DIAPH2: variants seen among roughly 807,000 people sequenced by gnomAD.
The protein encoded by DIAPH2 is protein diaphanous homolog 2.
In DIAPH2, 35 loss-of-function variants were observed where a neutral mutation model predicts 92.7. The observed-to-expected ratio is 0.38, with a 90% CI of 0.29 to 0.50. DIAPH2 has a LOEUF of 0.50. Ranked by LOEUF, DIAPH2 falls within the 20% of genes least tolerant of loss-of-function variation. The pLI, the probability that DIAPH2 is intolerant of heterozygous loss-of-function variation, is 0.94. For synonymous variants in DIAPH2, 301 were observed against 280.4 expected, an observed-to-expected ratio of 1.07 and a Z score of -0.73; for missense variants, 701 against 819.5, an observed-to-expected ratio of 0.86 and a Z score of 1.77.
In DIAPH2 at chrX:97,603,186, T is replaced by C. The variant is rs2071604760; in HGVS notation, c.*3869T>C. ...AATCATTCAGATTGTGAATTCAGGC[T>C]CAGAATTTACCCAGTCATCAGATAC... On this transcript the variant is annotated 3_prime_UTR_variant, in exon 27 of 27. Coordinates refer to ENST00000324765, the MANE Select transcript of DIAPH2 (RefSeq NM_006729.5). The C allele has an allele frequency of 9.2e-6, 1 of 108,312 alleles. No homozygotes were observed. Among genetic ancestry groups the C allele is most frequent in the Non-Finnish European group, 1.9e-5 (1 of 52,375 alleles). The allele number at this position is 108,312 out of a possible 1,213,427, so 8.9% of individuals were successfully genotyped here. A position where few individuals can be genotyped will look rare whatever the true frequency, so the allele number is the denominator to read the frequency against.
intron 23 of DIAPH2, among the ~76,000 whole-genome samples, chrX:97,292,609 C>T (rs1195074064): frequency 3.9e-5 from 4 of 103,080 alleles, no homozygotes; most frequent in Admixed American, 1.1e-4. Flanking sequence ...TGCAGTGGGG[C>T]GATCTTGGCT....
intron 26 of DIAPH2, among the ~76,000 whole-genome samples, chrX:97,487,016 T>C (rs771478461): frequency 8.9e-6 from 1 of 112,415 alleles, no homozygotes; most frequent in Admixed American, 9.4e-5. Context: ...AATCCCGCAG[T>C]ATGAGTCTTT....
At chrX:97,325,431 A>G (rs913016079) in intron 23 of DIAPH2, among the ~76,000 whole-genome samples, 1 of 112,086 alleles carries the variant, frequency 8.9e-6, no homozygotes, top group Non-Finnish European at 1.9e-5. Context: ...GTTGATTGTT[A>G]ATACAGAGAG....
chrX:97,518,030 G>A (rs921852716), intron 26 of DIAPH2, among the ~76,000 whole-genome samples: 2 of 112,049 alleles, frequency 1.8e-5, no homozygotes, highest in Non-Finnish European at 3.8e-5. Context: ...GCACTGTAGC[G>A]TTGGGCCAAT....
At chrX:96,772,646 A>T (rs1569390350) in intron 4 of DIAPH2, among the ~76,000 whole-genome samples, 1 of 112,383 alleles carries the variant, frequency 8.9e-6, no homozygotes, top group Non-Finnish European at 1.9e-5. Flanking sequence ...TTCGGATACC[A>T]TGATTATTAC....
At chrX:96,742,336 A>G (rs1293502976) in intron 3 of DIAPH2, among the ~76,000 whole-genome samples, 1 of 111,720 alleles carries the variant, frequency 9.0e-6, no homozygotes, top group Non-Finnish European at 1.9e-5. Context: ...TAATAATGGT[A>G]GGATTATTAG....
At chrX:97,090,496 T>G (rs985589508) in intron 19 of DIAPH2, among the ~76,000 whole-genome samples, 6 of 109,216 alleles carry the variant, frequency 5.5e-5, no homozygotes, top group African/African-American at 2.0e-4. Context: ...ACTCAGTTGA[T>G]GATTCTCTTT....
chrX:97,398,305 T>C (rs1307105986), intron 25 of DIAPH2, among the ~76,000 whole-genome samples: 1 of 112,065 alleles, frequency 8.9e-6, no homozygotes, highest in East Asian at 2.8e-4. Context: ...TATCTGATCA[T>C]GTTTTGAGGG....
intron 26 of DIAPH2, among the ~76,000 whole-genome samples, chrX:97,506,921 CA>C (rs2070839112): frequency 9.0e-6 from 1 of 111,168 alleles, no homozygotes; most frequent in South Asian, 3.8e-4. Context: ...TGACCTAGAT[CA>C]GGGGTTTGCC....
chrX:97,263,900 TTTTATTTATTTA>T lies in DIAPH2; in HGVS notation c.2844+16089_2844+16100del, dbSNP rs10644882. 2.9e-3 allele frequency among the ~76,000 whole-genome samples: 271 copies of T among 94,003 alleles called. 1 individual carries two copies. The highest frequency in any genetic ancestry group is 0.01 in the African/African-American group (262 of 26,162). The allele number at this position is 94,003 out of a possible 115,157, so 81.6% of individuals were successfully genotyped here. On this transcript the variant is annotated intron_variant, in intron 23 of 26. Coordinates refer to ENST00000324765, the MANE Select transcript of DIAPH2 (RefSeq NM_006729.5). ...CTGCGCCCAGCTCCAACTGTTAGTTTTTTATTTATTTATTTATTTATTTATTTATTTATTTAT... is the reference window on the plus strand; with the variant it reads ...CTGCGCCCAGCTCCAACTGTTAGTTTTTTATTTATTTATTTATTTATTTAT...
At chrX:97,046,370 A>G (rs35708312) in intron 17 of DIAPH2, among the ~76,000 whole-genome samples, 6,931 of 110,592 alleles carry the variant, frequency 0.063, 203 homozygotes, top group Middle Eastern at 0.14. Context: ...AAAGATGAAG[A>G]TGGTGTAAAT....
At chrX:96,706,816 G>A (rs765378087) in intron 1 of DIAPH2, among the ~76,000 whole-genome samples, 2 of 111,373 alleles carry the variant, frequency 1.8e-5, no homozygotes, top group South Asian at 7.7e-4. Context: ...AGATCTATAT[G>A]TACCCTATAA....
At chrX:97,355,339 A>G (rs953574890) in intron 24 of DIAPH2, among the ~76,000 whole-genome samples, 7 of 110,662 alleles carry the variant, frequency 6.3e-5, no homozygotes, top group African/African-American at 2.3e-4. Context: ...AGGATTGTGT[A>G]TATAATCCCT....
chrX:97,599,373 G>GAGA lies in DIAPH2; in HGVS notation c.*61_*63dup. 1 of 898,534 alleles carries GAGA rather than the reference G, an allele frequency of 1.1e-6. No individual in the cohort carries two copies. Among genetic ancestry groups the GAGA allele is most frequent in the South Asian group, 2.2e-5 (1 of 45,478 alleles). The allele number at this position is 898,534 out of a possible 1,213,427, so 74.0% of individuals were successfully genotyped here. A position where few individuals can be genotyped will look rare whatever the true frequency, so the allele number is the denominator to read the frequency against. On this transcript the variant is annotated 3_prime_UTR_variant, in exon 27 of 27. Coordinates refer to ENST00000324765, the MANE Select transcript of DIAPH2 (RefSeq NM_006729.5). ...AAGTAAAAACAAAATGATGCATTTTGAGAAGAACAAAGTGTGCACTCAGCG... is the reference window on the plus strand; with the variant it reads ...AAGTAAAAACAAAATGATGCATTTTGAGAAGAAGAACAAAGTGTGCACTCAGCG...
intron 23 of DIAPH2, among the ~76,000 whole-genome samples, chrX:97,311,128 CAGTT>C (rs1431349654): frequency 8.9e-6 from 1 of 112,145 alleles, no homozygotes; most frequent in Non-Finnish European, 1.9e-5. Flanking sequence ...GACATGCACT[CAGTT>C]AGGTACAAAC....
intron 23 of DIAPH2, among the ~76,000 whole-genome samples, chrX:97,266,077 T>C (rs2068334204): frequency 8.9e-6 from 1 of 112,140 alleles, no homozygotes; most frequent in Non-Finnish European, 1.9e-5. Context: ...TGTATATATG[T>C]ATATGTCTGT....
At chrX:96,779,869 G>T (rs781583853) in intron 4 of DIAPH2, among the ~76,000 whole-genome samples, 1 of 112,115 alleles carries the variant, frequency 8.9e-6, no homozygotes, top group East Asian at 2.8e-4. Context: ...GCGGTGCTTT[G>T]TAAGTTCTAC....
intron 15 of DIAPH2, among the ~76,000 whole-genome samples, chrX:96,955,278 C>G (rs1209974557): frequency 8.9e-6 from 1 of 111,760 alleles, no homozygotes; most frequent in Non-Finnish European, 1.9e-5. Context: ...AAAAAACCAT[C>G]AGATCTTCGG....
intron 17 of DIAPH2, among the ~76,000 whole-genome samples, chrX:97,041,019 C>T (rs899732874): frequency 9.0e-5 from 10 of 110,869 alleles, no homozygotes; most frequent in Non-Finnish European, 1.7e-4. Context: ...TTGTGTTATA[C>T]AGTTTTATGG....
Sources: gnomAD v4.1 joint callset for allele counts (sites outside exome capture counted in the v4.1 genomes callset) on GRCh38, gnomAD v4.1.1 for gene constraint, MANE v1.5 for transcripts, NCBI Gene and HGNC (gene_info 2026-07-23, HGNC 2026-07-21) for gene names.